Variants in CSMD3 observed in about 807,000 individuals in gnomAD.
CSMD3 encodes the protein CUB and sushi domain-containing protein 3.
Under a neutral mutation model 435.2 loss-of-function variants are expected in CSMD3, and 177 were observed. The observed-to-expected ratio is 0.41, with a 90% confidence interval of 0.36 to 0.46. The LOEUF is 0.46. CSMD3 is among the 20% of genes least tolerant of loss of function. CSMD3 has a pLI of 0.34. For synonymous variants in CSMD3, 1,656 were observed against 1,520.5 expected, an observed-to-expected ratio of 1.09 and a Z score of -2.07; for missense variants, 4,265 against 4,504.6, an observed-to-expected ratio of 0.95 and a Z score of 1.52.
chr8:113,283,782 T>C (rs978539050), intron 2 of CSMD3, among the ~76,000 whole-genome samples: 1 of 152,164 alleles, frequency 6.6e-6, no homozygotes, highest in African/African-American at 2.4e-5. Flanking sequence ...TGTACATGCA[T>C]GTTTATAGCA....
intron 27 of CSMD3, among the ~76,000 whole-genome samples, chr8:112,532,184 A>G (rs1825609589): frequency 6.6e-6 from 1 of 151,982 alleles, no homozygotes; most frequent in Non-Finnish European, 1.5e-5. Flanking sequence ...TACACAGTCA[A>G]AGGATTAAGA....
At chr8:113,343,590 T>C (rs868061182) in intron 1 of CSMD3, among the ~76,000 whole-genome samples, 17 of 152,126 alleles carry the variant, frequency 1.1e-4, no homozygotes, top group Non-Finnish European at 1.9e-4. Context: ...CCATATATTA[T>C]TGAAGGCACA....
chr8:112,278,453 T>C (rs988961194), intron 59 of CSMD3, among the ~76,000 whole-genome samples: 33 of 152,194 alleles, frequency 2.2e-4, no homozygotes, highest in Non-Finnish European at 4.6e-4. Context: ...GTTCTGTGCC[T>C]CTCAGCTTAG....
chr8:112,923,173 G>A (rs1277901167), intron 9 of CSMD3, among the ~76,000 whole-genome samples: 1 of 152,014 alleles, frequency 6.6e-6, no homozygotes, highest in Non-Finnish European at 1.5e-5. Context: ...TTGCTATGTT[G>A]TTAGTTTTTC....
chr8:112,297,443 T>C (rs191800614), intron 53 of CSMD3, among the ~76,000 whole-genome samples: 1 of 152,176 alleles, frequency 6.6e-6, no homozygotes, highest in East Asian at 1.9e-4. Context: ...GAAAAATTAC[T>C]GTAATTTTGA....
At chr8:112,627,258 A>T (rs1834554741) in intron 22 of CSMD3, among the ~76,000 whole-genome samples, 1 of 152,156 alleles carries the variant, frequency 6.6e-6, no homozygotes, top group Non-Finnish European at 1.5e-5. Context: ...ATATTTTCCA[A>T]TATGTCTAGG....
chr8:113,190,892 T>C (rs1279344806), intron 3 of CSMD3, among the ~76,000 whole-genome samples: 1 of 151,838 alleles, frequency 6.6e-6, no homozygotes, highest in Non-Finnish European at 1.5e-5. Context: ...TATTTCATAT[T>C]GAGTGTAACC....
intron 32 of CSMD3, among the ~76,000 whole-genome samples, chr8:112,419,851 G>GTT (rs767620554): frequency 1.3e-5 from 2 of 152,046 alleles, no homozygotes; most frequent in African/African-American, 2.4e-5. Context: ...CAGAAGTTGA[G>GTT]AATTAATTTG....
At chr8:112,341,421 T>C (rs2130989673) in intron 42 of CSMD3, 56 bp downstream of exon 42, 1 of 1,151,236 alleles carries the variant, frequency 8.7e-7, no homozygotes, top group Non-Finnish European at 1.3e-6. Context: ...CAGTTAAATA[T>C]TTCTAATAGC....
chr8:113,221,984 A>T (rs770790234), intron 3 of CSMD3, among the ~76,000 whole-genome samples: 4 of 150,748 alleles, frequency 2.7e-5, no homozygotes, highest in African/African-American at 9.7e-5. Context: ...CAACGCAGAC[A>T]CTCAATGCGC....
rs1221208540 is a variant in CSMD3 at position 112,408,372 on chromosome 8, G to A, written c.5551C>T (p.Arg1851Ter). The A allele has an allele frequency of 6.2e-7, 1 of 1,611,572 alleles. No individual in the cohort carries two copies. The highest frequency in any genetic ancestry group is 1.7e-5 in the Admixed American group (1 of 59,944). ...PLSSGNQITI[R>*]FTSVGPITAK... ...GTTATTGGTCCAACTGAAGTAAATC[G>A]AATTGTGATCTGATTACCTGAACTC... The change falls in exon 34 of 71, where the codon CGA becomes TGA. Residue 1851 changes from arginine to a stop codon, truncating the protein, a stop_gained. Transcript: ENST00000297405. LOFTEE classifies it high-confidence loss of function.
At chr8:113,088,851 A>G (rs2089901297) in intron 5 of CSMD3, among the ~76,000 whole-genome samples, 1 of 152,052 alleles carries the variant, frequency 6.6e-6, no homozygotes, top group Admixed American at 6.6e-5. Flanking sequence ...CCTAAAACTT[A>G]AAGTATAATA....
At chr8:113,161,319 C>T (rs187416527) in intron 4 of CSMD3, among the ~76,000 whole-genome samples, 13 of 152,232 alleles carry the variant, frequency 8.5e-5, no homozygotes, top group African/African-American at 3.1e-4. Context: ...TTCTGGTTTA[C>T]TAGGTTGTAA....
intron 38 of CSMD3, among the ~76,000 whole-genome samples, chr8:112,353,682 T>G (rs1424675898): frequency 6.6e-6 from 1 of 151,910 alleles, no homozygotes; most frequent in Admixed American, 6.6e-5. Flanking sequence ...AACAGACCAC[T>G]GAGTTCTAAA....
chr8:112,363,053 G>T (rs1827407401), intron 38 of CSMD3, among the ~76,000 whole-genome samples: 1 of 151,974 alleles, frequency 6.6e-6, no homozygotes, highest in African/African-American at 2.4e-5. Flanking sequence ...GTTTAATGCA[G>T]GGAGAATTCA....
At chr8:112,845,223 G>C (rs896483998) in intron 11 of CSMD3, among the ~76,000 whole-genome samples, 1 of 152,026 alleles carries the variant, frequency 6.6e-6, no homozygotes, top group African/African-American at 2.4e-5. Context: ...TACTTCATTA[G>C]ATATTAAGGA....
At chr8:113,304,706 T>C (rs560553546) in intron 2 of CSMD3, among the ~76,000 whole-genome samples, 9 of 126,678 alleles carry the variant, frequency 7.1e-5, no homozygotes, top group South Asian at 5.9e-4. Context: ...TAGGTGGGAA[T>C]TGAACTATGA....
chr8:112,535,661 G>GA (rs1224353069), intron 27 of CSMD3, among the ~76,000 whole-genome samples: 1 of 151,834 alleles, frequency 6.6e-6, no homozygotes, highest in Admixed American at 6.6e-5. Flanking sequence ...CACAGAATTG[G>GA]AAAAAACTAC....
intron 31 of CSMD3, among the ~76,000 whole-genome samples, chr8:112,489,282 G>A (rs984279725): frequency 6.6e-6 from 1 of 152,048 alleles, no homozygotes; most frequent in Non-Finnish European, 1.5e-5. Context: ...AAAATTAGCT[G>A]GGTGTAGTGG....
Sources: gnomAD v4.1 joint callset for allele counts (sites outside exome capture counted in the v4.1 genomes callset) on GRCh38, gnomAD v4.1.1 for gene constraint, MANE v1.5 for transcripts, NCBI Gene and HGNC (gene_info 2026-07-23, HGNC 2026-07-21) for gene names.